Variants in ASAP1 observed in about 807,000 individuals in gnomAD.
ASAP1 encodes the protein arf-GAP with SH3 domain, ANK repeat and PH domain-containing protein 1.
A neutral mutation model predicts 145.2 loss-of-function variants in ASAP1; 43 were observed. The ratio of observed to expected loss-of-function variants is 0.30; its 90% CI spans 0.23 to 0.38. The LOEUF is 0.38. Ranked by LOEUF, ASAP1 falls within the 10% of genes least tolerant of loss-of-function variation. The pLI is 1.00. For synonymous variants in ASAP1, 546 were observed against 515.5 expected (o/e 1.06, Z -0.80); for missense variants, 1,018 against 1,355.3 (o/e 0.75, Z 3.91).
intron 28 of ASAP1, among the ~76,000 whole-genome samples, chr8:130,058,702 A>T (rs1392674011): frequency 6.6e-6 from 1 of 152,224 alleles, no homozygotes; most frequent in East Asian, 1.9e-4. Context: ...AAATAGAGGT[A>T]TCACCTTCTA....
intron 3 of ASAP1, among the ~76,000 whole-genome samples, chr8:130,305,824 T>TTACTAC (rs1822958912): frequency 6.6e-6 from 1 of 152,180 alleles, no homozygotes; most frequent in East Asian, 1.9e-4. Context: ...CAAATGGACT[T>TTACTAC]TACTACCAGC....
intron 3 of ASAP1, among the ~76,000 whole-genome samples, chr8:130,300,806 A>C (rs1036340090): frequency 1.3e-5 from 2 of 152,210 alleles, no homozygotes; most frequent in Non-Finnish European, 2.9e-5. Flanking sequence ...CCTTTGGCCA[A>C]GAAAGAAGGA....
intron 3 of ASAP1, among the ~76,000 whole-genome samples, chr8:130,253,982 T>C (rs968016071): frequency 5.3e-5 from 8 of 152,036 alleles, no homozygotes; most frequent in South Asian, 2.1e-4. Context: ...GGTCACACCA[T>C]TGCACTCCAG....
At chr8:130,072,791 A>ATGTGTGTGTGTG (rs1491261390) in intron 27 of ASAP1, among the ~76,000 whole-genome samples, 3,270 of 91,084 alleles carry the variant, frequency 0.036, 396 homozygotes, top group African/African-American at 0.13. Context: ...CTTGCAATTG[A>ATGTGTGTGTGTG]TATGTGTGTG....
chr8:130,291,427 G>C (rs1490351092), intron 3 of ASAP1, among the ~76,000 whole-genome samples: 1 of 152,190 alleles, frequency 6.6e-6, no homozygotes, highest in Non-Finnish European at 1.5e-5. Flanking sequence ...TAAGGGGAAA[G>C]GTCTGCTGAA....
rs2097528082 is a variant in ASAP1 at position 130,101,170 on chromosome 8, C to G, written c.2402-9027G>C. On this transcript the variant is annotated intron_variant, in intron 24 of 29. Coordinates refer to ENST00000518721, the MANE Select transcript of ASAP1 (RefSeq NM_018482.4). ...GTTTTTACACCAATACAAAGCTGTTCTGGTTACTATAGCTTTGTAGTATAT... is the reference window on the plus strand; with the variant it reads ...GTTTTTACACCAATACAAAGCTGTTGTGGTTACTATAGCTTTGTAGTATAT... 3.9e-5 allele frequency among the ~76,000 whole-genome samples: 6 copies of G among 152,278 alleles called. No homozygotes were observed. In the South Asian group the frequency reaches 1.2e-3, roughly 32 times the overall value.
chr8:130,079,606 T>A (rs1186862691), intron 26 of ASAP1, among the ~76,000 whole-genome samples: 1 of 152,134 alleles, frequency 6.6e-6, no homozygotes, highest in Admixed American at 6.5e-5. Context: ...CTGACAGGAA[T>A]TTTGTTCAAG....
intron 1 of ASAP1, among the ~76,000 whole-genome samples, chr8:130,427,146 ACT>A (rs1422368082): frequency 6.6e-6 from 1 of 151,922 alleles, no homozygotes; most frequent in African/African-American, 2.4e-5. Flanking sequence ...CAGCTTGGCC[ACT>A]CTGTTCAGTG....
intron 15 of ASAP1, among the ~76,000 whole-genome samples, chr8:130,132,545 G>C (rs1170470778): frequency 6.6e-6 from 1 of 152,028 alleles, no homozygotes. Flanking sequence ...CATCTCTGAG[G>C]AACAACCCCA....
chr8:130,100,114 A>C (rs189706889), intron 24 of ASAP1, among the ~76,000 whole-genome samples: 4 of 152,230 alleles, frequency 2.6e-5, no homozygotes, highest in Non-Finnish European at 4.4e-5. Context: ...TACCTGTACT[A>C]ATTTACATTC....
chr8:130,409,382 T>G (rs1011843894), intron 1 of ASAP1, among the ~76,000 whole-genome samples: 2 of 152,198 alleles, frequency 1.3e-5, no homozygotes, highest in African/African-American at 4.8e-5. Flanking sequence ...CCATATCTGC[T>G]GGCAAGCAAC....
intron 5 of ASAP1, among the ~76,000 whole-genome samples, chr8:130,211,705 A>C (rs1816593134): frequency 6.6e-6 from 1 of 152,240 alleles, no homozygotes; most frequent in Admixed American, 6.5e-5. Context: ...CTTCAAAGGC[A>C]ATACTTAATT....
chr8:130,069,697 A>C (rs971099946), intron 27 of ASAP1: 2 of 152,070 alleles, frequency 1.3e-5, no homozygotes, highest in Non-Finnish European at 2.9e-5. Context: ...GGTGGACCAA[A>C]CCCCTCCGCT....
At chr8:130,192,329 G>C (rs547764343) in intron 5 of ASAP1, among the ~76,000 whole-genome samples, 100 of 147,518 alleles carry the variant, frequency 6.8e-4, no homozygotes, top group African/African-American at 2.1e-3. Context: ...AATTTCACGG[G>C]GGGGAGCGAT....
intron 22 of ASAP1, among the ~76,000 whole-genome samples, chr8:130,116,105 G>T (rs771060108): frequency 5.3e-5 from 8 of 152,152 alleles, no homozygotes; most frequent in Non-Finnish European, 1.0e-4. Flanking sequence ...TCATAAAATG[G>T]GAGCAGGGAT....
chr8:130,355,515 C>A (rs1826254047), intron 3 of ASAP1, among the ~76,000 whole-genome samples: 1 of 152,138 alleles, frequency 6.6e-6, no homozygotes, highest in Non-Finnish European at 1.5e-5. Flanking sequence ...CAAAAGTTCT[C>A]TTCCTAAGAA....
chr8:130,146,211 G>A (rs957609347), intron 13 of ASAP1, among the ~76,000 whole-genome samples: 1 of 152,006 alleles, frequency 6.6e-6, no homozygotes, highest in Non-Finnish European at 1.5e-5. Context: ...CACAGCTGAT[G>A]TCAAACTGCA....
chr8:130,364,946 TAAATA>T (rs1003655945), intron 2 of ASAP1, among the ~76,000 whole-genome samples: 2 of 152,026 alleles, frequency 1.3e-5, no homozygotes, highest in Non-Finnish European at 2.9e-5. Context: ...AAAAAATAAA[TAAATA>T]AAATAAAACA....
intron 5 of ASAP1, among the ~76,000 whole-genome samples, chr8:130,208,344 C>G (rs1006536591): frequency 6.6e-6 from 1 of 152,138 alleles, no homozygotes; most frequent in Non-Finnish European, 1.5e-5. Flanking sequence ...GTATAGATAA[C>G]TACAACAATC....
Sources: allele counts gnomAD v4.1 joint callset (sites outside exome capture counted in the v4.1 genomes callset), GRCh38; gene constraint gnomAD v4.1.1; transcripts MANE v1.5; gene names NCBI Gene and HGNC (gene_info 2026-07-23, HGNC 2026-07-21).